The following LRP1B variants were observed in gnomAD, a reference collection of about 807,000 sequenced individuals.
The protein encoded by LRP1B is low-density lipoprotein receptor-related protein 1B.
A neutral mutation model predicts 556.6 loss-of-function variants in LRP1B; 217 were observed. The ratio of observed to expected loss-of-function variants is 0.39; its 90% confidence interval spans 0.35 to 0.44. The LOEUF is 0.44. Among genes scored for constraint, LRP1B ranks in the 20% least tolerant of loss-of-function variants. LRP1B has a pLI of 1.00. For missense variants in LRP1B, 5,053 were observed against 5,620.8 expected (o/e 0.90, Z 3.23); for synonymous variants, 2,047 against 1,865.8 (o/e 1.10, Z -2.50).
chr2:141,470,282 C>T (rs970000229), intron 3 of LRP1B, among the ~76,000 whole-genome samples: 4 of 152,164 alleles, frequency 2.6e-5, no homozygotes, highest in Non-Finnish European at 4.4e-5. Flanking sequence ...TTCCCTTCCA[C>T]ATTCTTCACC....
intron 25 of LRP1B, among the ~76,000 whole-genome samples, chr2:140,873,374 G>A (rs1559168374): frequency 6.6e-6 from 1 of 152,014 alleles, no homozygotes. Flanking sequence ...TGCGGCTTTA[G>A]GCAGTCTAGT....
chr2:140,913,899 C>T (rs1428453855), intron 21 of LRP1B, among the ~76,000 whole-genome samples: 1 of 151,930 alleles, frequency 6.6e-6, no homozygotes, highest in Non-Finnish European at 1.5e-5. Flanking sequence ...AATATTCAAC[C>T]TTATTTGTTT....
chr2:140,382,914 A>C (rs1683585358), intron 67 of LRP1B, among the ~76,000 whole-genome samples: 1 of 152,226 alleles, frequency 6.6e-6, no homozygotes, highest in Admixed American at 6.5e-5. Context: ...GTTGATAGGC[A>C]AATACATACC....
At chr2:140,416,835 A>G (rs1441826682) in intron 66 of LRP1B, among the ~76,000 whole-genome samples, 4 of 152,154 alleles carry the variant, frequency 2.6e-5, no homozygotes, top group African/African-American at 9.6e-5. Context: ...TACCACATCC[A>G]TCCATGCCTC....
At chr2:140,941,639 T>A (rs929868075) in intron 20 of LRP1B, among the ~76,000 whole-genome samples, 1 of 152,134 alleles carries the variant, frequency 6.6e-6, no homozygotes, top group Non-Finnish European at 1.5e-5. Flanking sequence ...GCAATACCAG[T>A]GAAACCTACC....
chr2:141,699,139 A>G (rs1489928657), intron 2 of LRP1B, among the ~76,000 whole-genome samples: 2 of 151,854 alleles, frequency 1.3e-5, no homozygotes, highest in African/African-American at 4.8e-5. Flanking sequence ...GAAGAGAGAA[A>G]TTTAAAAAAC....
Position 141,206,831 on chromosome 2 carries a change from T to C in LRP1B, c.851-18248A>G, listed in dbSNP as rs575799413. Among the ~76,000 whole-genome samples the C allele has an allele frequency of 3.3e-5, 5 of 152,308 alleles. No homozygotes were observed. In the South Asian group the frequency reaches 1.0e-3, roughly 32 times the overall value. On this transcript the variant is annotated intron_variant, in intron 6 of 90. Transcript: ENST00000389484. ...TATCTTCCTGCTAATTTTAACTTTT[T>C]CAACTGGCAAGCATGATTGTTGGTA...
intron 89 of LRP1B, among the ~76,000 whole-genome samples, chr2:140,236,949 A>G (rs538242188): frequency 7.6e-4 from 115 of 151,060 alleles, no homozygotes; most frequent in Non-Finnish European, 1.1e-3. Context: ...GTTTTTATAC[A>G]TGTATACATT....
rs6748626 is a variant in LRP1B, at chr2:140,950,299, G to A, written c.3072C>T (p.Ala1024=). ...CCCCACAGTCATTGTCACCATCACA[G>A]GCCCAGTGGCCTGGGATGCATCTGC... ...SSGRCIPGHW[A]CDGDNDCGDF... is the part of the protein sequence containing the mutation. Residue 1024 remains alanine, a synonymous_variant, in exon 20 of 91, where the codon GCC becomes GCT. Transcript: ENST00000389484. 1.2e-6 allele frequency: 2 copies of A among 1,612,618 alleles called. No homozygotes were observed. Among genetic ancestry groups the A allele is most frequent in the Non-Finnish European group, 1.7e-6 (2 of 1,179,266 alleles).
intron 89 of LRP1B, among the ~76,000 whole-genome samples, chr2:140,237,622 G>A (rs944145057): frequency 1.3e-5 from 2 of 150,838 alleles, no homozygotes; most frequent in East Asian, 3.9e-4. Context: ...AATACTGGGA[G>A]GAAGTGGGTA....
chr2:141,275,997 A>C (rs2105377079), intron 3 of LRP1B, among the ~76,000 whole-genome samples: 1 of 152,286 alleles, frequency 6.6e-6, no homozygotes, highest in Admixed American at 6.5e-5. Flanking sequence ...GCCTCTCTAT[A>C]AGTTTTCACA....
chr2:140,309,915 C>A (rs1481182673), intron 83 of LRP1B, among the ~76,000 whole-genome samples: 3 of 126,928 alleles, frequency 2.4e-5, no homozygotes, highest in African/African-American at 9.1e-5. Flanking sequence ...AATGTTCTCA[C>A]TTCTAAATTT....
intron 89 of LRP1B, among the ~76,000 whole-genome samples, chr2:140,237,460 C>G (rs535083813): frequency 6.6e-6 from 1 of 150,792 alleles, no homozygotes; most frequent in Non-Finnish European, 1.5e-5. Context: ...GTACAGATAT[C>G]TCTTCAATGT....
intron 66 of LRP1B, among the ~76,000 whole-genome samples, chr2:140,440,426 A>C (rs1164036695): frequency 1.3e-5 from 2 of 152,184 alleles, no homozygotes; most frequent in Admixed American, 6.6e-5. Flanking sequence ...TAACTGAGTC[A>C]AACGATAAGG....
At chr2:140,255,145 C>A (rs541629962) in intron 86 of LRP1B, among the ~76,000 whole-genome samples, 2 of 152,234 alleles carry the variant, frequency 1.3e-5, no homozygotes, top group East Asian at 3.9e-4. Flanking sequence ...TCATAAAACT[C>A]TTACCAGATT....
chr2:141,983,944 C>G (rs1443862379), intron 1 of LRP1B, among the ~76,000 whole-genome samples: 1 of 152,014 alleles, frequency 6.6e-6, no homozygotes, highest in African/African-American at 2.4e-5. Flanking sequence ...GCCTATAATC[C>G]CAGCTACTCA....
At chr2:141,650,763 A>C (rs771092687) in intron 2 of LRP1B, among the ~76,000 whole-genome samples, 1 of 151,988 alleles carries the variant, frequency 6.6e-6, no homozygotes, top group African/African-American at 2.4e-5. Context: ...AAAAAAGCCC[A>C]TTTGAAAACC....
intron 1 of LRP1B, among the ~76,000 whole-genome samples, chr2:142,100,417 C>T (rs1203259496): frequency 2.0e-5 from 3 of 151,980 alleles, no homozygotes; most frequent in Non-Finnish European, 2.9e-5. Flanking sequence ...TGAATACCAG[C>T]TTTTAGAAAC....
intron 20 of LRP1B, among the ~76,000 whole-genome samples, chr2:140,944,991 T>C (rs1156385335): frequency 6.6e-6 from 1 of 152,170 alleles, no homozygotes; most frequent in Non-Finnish European, 1.5e-5. Flanking sequence ...ACTGATGATA[T>C]GATTTTATCT....
Sources: gnomAD v4.1 joint callset for allele counts (sites outside exome capture counted in the v4.1 genomes callset) on GRCh38, gnomAD v4.1.1 for gene constraint, MANE v1.5 for transcripts, NCBI Gene and HGNC (gene_info 2026-07-23, HGNC 2026-07-21) for gene names.